RAP1GAP2: variants seen among roughly 807,000 people sequenced by gnomAD.
RAP1GAP2 encodes rap1 GTPase-activating protein 2.
In RAP1GAP2, 27 loss-of-function variants were observed where a neutral mutation model predicts 95.0. That is an observed-to-expected ratio of 0.28 (90% CI 0.21 to 0.39). The LOEUF is 0.39. Among genes scored for constraint, RAP1GAP2 ranks in the 10% least tolerant of loss-of-function variants. RAP1GAP2 has a pLI of 1.00. For synonymous variants in RAP1GAP2, 373 were observed against 380.9 expected (o/e 0.98, Z 0.24); for missense variants, 771 against 970.0 (o/e 0.79, Z 2.72).
chr17:2,972,295 GA>G (rs1006153188), intron 8 of RAP1GAP2, among the ~76,000 whole-genome samples: 10 of 151,168 alleles, frequency 6.6e-5, no homozygotes, highest in Admixed American at 2.6e-4. Flanking sequence ...CAAGAGAAAA[GA>G]AAAAAAAATA....
At chr17:2,832,329 T>C (rs994262096) in intron 2 of RAP1GAP2, among the ~76,000 whole-genome samples, 82 of 147,592 alleles carry the variant, frequency 5.6e-4, no homozygotes, top group East Asian at 3.3e-3. Flanking sequence ...GAGGCCAAGG[T>C]GGGTGGATCA....
chr17:2,769,337 C>T (rs1255391037), intron 1 of RAP1GAP2, among the ~76,000 whole-genome samples: 1 of 145,870 alleles, frequency 6.9e-6, no homozygotes, highest in Non-Finnish European at 1.5e-5. Context: ...GGGCGGATCA[C>T]GAGGTCAGGA....
intron 3 of RAP1GAP2, among the ~76,000 whole-genome samples, chr17:2,943,022 G>A (rs912871453): frequency 1.1e-4 from 16 of 152,100 alleles, no homozygotes; most frequent in African/African-American, 3.6e-4. Flanking sequence ...GCCCGCCTTG[G>A]CCACCCAAAG....
intron 2 of RAP1GAP2, among the ~76,000 whole-genome samples, chr17:2,828,669 T>G (rs926183286): frequency 6.6e-6 from 1 of 152,036 alleles, no homozygotes; most frequent in African/African-American, 2.4e-5. Flanking sequence ...GGGCCGCGGG[T>G]TCTTTGACCT....
chr17:2,920,344 C>T (rs892028794), intron 3 of RAP1GAP2, among the ~76,000 whole-genome samples: 15 of 152,276 alleles, frequency 9.9e-5, no homozygotes, highest in African/African-American at 3.4e-4. Context: ...GCATTCAGGG[C>T]GTCACCCAGG....
intron 2 of RAP1GAP2, among the ~76,000 whole-genome samples, chr17:2,860,594 CTTTTTTTTT>C (rs561492877): frequency 4.9e-4 from 47 of 96,056 alleles, no homozygotes; most frequent in African/African-American, 1.0e-3. Context: ...ACTTATTTAT[CTTTTTTTTT>C]TTTTTTTTTT....
rs1351519024 is a variant in RAP1GAP2, at chr17:2,788,963, C to A, written c.-13-11552C>A. On this transcript the variant is annotated intron_variant, in intron 1 of 24. Coordinates refer to the RAP1GAP2 transcript ENST00000540393. ...ACAGCTATGGAGATATCCCCTAGCCCAGTCAAATTGACACATAAATTTAAC... is the reference window on the plus strand; with the variant it reads ...ACAGCTATGGAGATATCCCCTAGCCAAGTCAAATTGACACATAAATTTAAC... Among the ~76,000 whole-genome samples the A allele has an allele frequency of 2.0e-5, 3 of 152,332 alleles. No individual in the cohort carries two copies. In the East Asian group the frequency reaches 5.8e-4, roughly 29 times the overall value.
Position 3,005,815 on chromosome 17 carries a change from G to A in RAP1GAP2, c.1273-140G>A, listed in dbSNP as rs2046313456. The A allele has an allele frequency of 1.2e-6, 1 of 811,654 alleles. No homozygotes were observed. Among genetic ancestry groups the A allele is most frequent in the Admixed American group, 2.1e-5 (1 of 48,496 alleles). 50.3% of individuals were successfully genotyped at this position (811,654 alleles called of 1,614,324 possible). ...ATATTTGCAAGTGGGCTTGGCCTGG[G>A]CTAGAAATGATCCGCTGTCGGAAGG... is the stretch of plus-strand genomic sequence containing the variant. On this transcript the variant is annotated intron_variant, in intron 15 of 24. Coordinates refer to ENST00000254695, the MANE Select transcript of RAP1GAP2 (RefSeq NM_015085.5). The surrounding 1 kb of genome is among the most constrained non-coding windows in gnomAD (Gnocchi z 5.2).
intron 10 of RAP1GAP2, among the ~76,000 whole-genome samples, chr17:2,983,620 A>C (rs1030872584): frequency 6.6e-6 from 1 of 152,226 alleles, no homozygotes; most frequent in African/African-American, 2.4e-5. Flanking sequence ...AGTACAGATA[A>C]TTTAAAATAG....
intron 17 of RAP1GAP2, among the ~76,000 whole-genome samples, chr17:3,010,197 G>A (rs1163717408): frequency 1.3e-4 from 20 of 151,950 alleles, no homozygotes; most frequent in Admixed American, 7.9e-4. Flanking sequence ...AAAATTAGCC[G>A]GGCGTGGTGA....
intron 2 of RAP1GAP2, among the ~76,000 whole-genome samples, chr17:2,868,596 C>G (rs905450584): frequency 6.7e-6 from 1 of 149,284 alleles, no homozygotes; most frequent in East Asian, 2.0e-4. Context: ...CAGCTCAGTG[C>G]AAGCTCCACC....
chr17:2,895,574 C>T (rs1450123224), intron 2 of RAP1GAP2, among the ~76,000 whole-genome samples: 1 of 94,888 alleles, frequency 1.1e-5, no homozygotes, highest in Non-Finnish European at 2.1e-5. Context: ...GGCATTTGCC[C>T]TTCCCCGCTA....
intron 8 of RAP1GAP2, among the ~76,000 whole-genome samples, chr17:2,967,096 C>T (rs557750539): frequency 2.8e-4 from 43 of 152,276 alleles, no homozygotes; most frequent in African/African-American, 8.4e-4. Context: ...TGGCCAGGCA[C>T]GGTGGCTCAC....
At chr17:2,899,267 C>T (rs149714130) in intron 2 of RAP1GAP2, among the ~76,000 whole-genome samples, 2,588 of 152,212 alleles carry the variant, frequency 0.017, 22 homozygotes, top group African/African-American at 0.031. Context: ...TGCAGTGGAG[C>T]GATCTCGGCT....
At chr17:2,932,816 CAAAAAAAGAAAAAAAA>C (rs2043196664) in intron 3 of RAP1GAP2, among the ~76,000 whole-genome samples, 1 of 10,166 alleles carries the variant, frequency 9.8e-5, no homozygotes, top group Non-Finnish European at 2.5e-4. Context: ...GACTCCATCT[CAAAAAAAGAAAAAAAA>C]AAAAAAAAAA....
At chr17:2,816,164 C>T (rs1035453156) in intron 2 of RAP1GAP2, among the ~76,000 whole-genome samples, 3 of 151,878 alleles carry the variant, frequency 2.0e-5, no homozygotes, top group Middle Eastern at 3.2e-3. Flanking sequence ...CCCGAGCCGG[C>T]TCCGGGGGCA....
chr17:2,815,983 C>T (rs957210281), intron 2 of RAP1GAP2, among the ~76,000 whole-genome samples: 9 of 152,322 alleles, frequency 5.9e-5, no homozygotes, highest in Middle Eastern at 3.4e-3. Context: ...GAAGGGCAGA[C>T]GTGTGTGTAC....
At chr17:2,925,838 C>T (rs542506656) in intron 3 of RAP1GAP2, among the ~76,000 whole-genome samples, 18 of 152,188 alleles carry the variant, frequency 1.2e-4, no homozygotes, top group East Asian at 5.8e-4. Context: ...GGGTCCGGGC[C>T]GGGTTAGGAA....
intron 14 of RAP1GAP2, among the ~76,000 whole-genome samples, chr17:3,001,756 C>T (rs1217667070): frequency 6.6e-6 from 1 of 152,242 alleles, no homozygotes; most frequent in Non-Finnish European, 1.5e-5. Flanking sequence ...GATAGGAGGG[C>T]TCCCAGACCC....
Sources: allele counts gnomAD v4.1 joint callset (sites outside exome capture counted in the v4.1 genomes callset), GRCh38; gene constraint gnomAD v4.1.1; non-coding constraint Gnocchi (gnomAD v3.1); transcripts MANE v1.5; gene names NCBI Gene and HGNC (gene_info 2026-07-23, HGNC 2026-07-21).